The following SH3BGR variants were observed in gnomAD, a reference collection of about 807,000 sequenced individuals.
The protein encoded by SH3BGR is SH3 domain binding glutamate rich protein.
SH3BGR carries 29 observed loss-of-function variants against 24.5 expected under a neutral mutation model. That is an observed-to-expected ratio of 1.18 (90% confidence interval 0.88 to 1.61). The LOEUF is 1.61. Ranked by LOEUF, SH3BGR falls within the 40% of genes most tolerant of loss-of-function variation. The pLI is 0.00. For synonymous variants in SH3BGR, 55 were observed against 65.7 expected (o/e 0.84, Z 0.79); for missense variants, 162 against 205.8 (o/e 0.79, Z 1.30).
chr21:39,469,249 C>T (rs1257155061), intron 2 of SH3BGR, among the ~76,000 whole-genome samples: 1 of 150,138 alleles, frequency 6.7e-6, no homozygotes, highest in African/African-American at 2.4e-5. Context: ...ATTCTTAAGA[C>T]CTGTTTAAAA....
intron 4 of SH3BGR, among the ~76,000 whole-genome samples, chr21:39,507,718 T>G (rs1168527493): frequency 6.6e-6 from 1 of 152,160 alleles, no homozygotes; most frequent in African/African-American, 2.4e-5. Context: ...TGATCATAGC[T>G]CACAGCAGCC....
intron 2 of SH3BGR, among the ~76,000 whole-genome samples, chr21:39,464,530 A>G (rs2077809294): frequency 6.6e-6 from 1 of 152,136 alleles, no homozygotes; most frequent in Non-Finnish European, 1.5e-5. Context: ...GCCCAAATAA[A>G]GTCACTTTCT....
chr21:39,496,714 C>T (rs907539977), intron 3 of SH3BGR, among the ~76,000 whole-genome samples: 2 of 151,922 alleles, frequency 1.3e-5, no homozygotes, highest in African/African-American at 4.8e-5. Context: ...GGAAAAGTAT[C>T]CCATTCATGG....
chr21:39,479,573 C>T lies in SH3BGR; in HGVS notation c.312+4358C>T, dbSNP rs1298301541. On this transcript the variant is annotated intron_variant, in intron 3 of 6. Coordinates refer to ENST00000333634, the MANE Select transcript of SH3BGR (RefSeq NM_007341.3). ...AGTAGGGAAGGGAATGGAGGGTCTCCCCTTTCAGAATGTGAACTTCTTATA... is the reference window on the plus strand; with the variant it reads ...AGTAGGGAAGGGAATGGAGGGTCTCTCCTTTCAGAATGTGAACTTCTTATA... Among the ~76,000 whole-genome samples the T allele has an allele frequency of 3.9e-5, 6 of 152,088 alleles. No individual in the cohort carries two copies. In the South Asian group the frequency reaches 8.3e-4, roughly 21 times the overall value.
intron 3 of SH3BGR, among the ~76,000 whole-genome samples, chr21:39,478,850 C>T (rs987225832): frequency 3.3e-5 from 5 of 152,120 alleles, no homozygotes; most frequent in Admixed American, 1.3e-4. Flanking sequence ...GTTGTTATCT[C>T]TGCATGTTCC....
At chr21:39,491,138 A>AT (rs1405648650) in intron 3 of SH3BGR, among the ~76,000 whole-genome samples, 1 of 150,108 alleles carries the variant, frequency 6.7e-6, no homozygotes, top group Non-Finnish European at 1.5e-5. Context: ...CTATTTCTTT[A>AT]TTTTTTCTAT....
chr21:39,506,638 T>C (rs1012849361), intron 4 of SH3BGR, among the ~76,000 whole-genome samples: 3 of 152,138 alleles, frequency 2.0e-5, no homozygotes, highest in Non-Finnish European at 2.9e-5. Context: ...CCATGAGATC[T>C]TGTGAGACTT....
intron 2 of SH3BGR, among the ~76,000 whole-genome samples, chr21:39,471,166 G>C (rs181095153): frequency 1.4e-5 from 2 of 146,706 alleles, no homozygotes; most frequent in African/African-American, 4.9e-5. Context: ...CTCTCTGGTT[G>C]CTTTTAATAA....
chr21:39,502,985 C>CT (rs146995231), intron 4 of SH3BGR, among the ~76,000 whole-genome samples: 75,489 of 146,292 alleles, frequency 0.52, 19,684 homozygotes, highest in East Asian at 0.67. Context: ...ATTCCAAGCT[C>CT]TTTTTTTTTT....
At chr21:39,510,909 C>CTATATATATATATATATA (rs61692072) in intron 5 of SH3BGR, among the ~76,000 whole-genome samples, 3 of 65,864 alleles carry the variant, frequency 4.6e-5, no homozygotes, top group African/African-American at 6.2e-5. Flanking sequence ...ATTCTTCTAA[C>CTATATATATATATATATA]TATATATATA....
At chr21:39,509,566 CTG>C (rs1158134049) in intron 5 of SH3BGR, among the ~76,000 whole-genome samples, 1 of 149,798 alleles carries the variant, frequency 6.7e-6, no homozygotes, top group Non-Finnish European at 1.5e-5. Context: ...CCTCCGCTTC[CTG>C]GGTTCAAGCG....
intron 2 of SH3BGR, among the ~76,000 whole-genome samples, chr21:39,474,129 G>A (rs1444569465): frequency 1.3e-5 from 2 of 151,942 alleles, no homozygotes; most frequent in Non-Finnish European, 2.9e-5. Context: ...CACCGTGCCC[G>A]GCTAATTTTT....
At chr21:39,488,698 G>T in intron 3 of SH3BGR, 2 of 445,060 alleles carry the variant, frequency 4.5e-6, no homozygotes, top group East Asian at 6.2e-5. Flanking sequence ...CATACTGGGT[G>T]GGAAGATGAC....
chr21:39,509,065 C>T (rs1466043717), intron 5 of SH3BGR, 38 bp downstream of exon 5: 2 of 1,560,726 alleles, frequency 1.3e-6, no homozygotes, highest in Non-Finnish European at 1.7e-6. Context: ...GCTTAATCTG[C>T]TTAATAAAAA....
At chr21:39,501,255 C>A (rs369610419) in intron 4 of SH3BGR, among the ~76,000 whole-genome samples, 1 of 152,158 alleles carries the variant, frequency 6.6e-6, no homozygotes, top group East Asian at 1.9e-4. Flanking sequence ...CCCTTTCTCC[C>A]GTGAGACCAG....
intron 3 of SH3BGR, among the ~76,000 whole-genome samples, chr21:39,493,564 G>A (rs981400662): frequency 1.3e-5 from 2 of 152,082 alleles, no homozygotes; most frequent in Non-Finnish European, 2.9e-5. Context: ...CTCCAGATTT[G>A]TTCTTTTTGT....
intron 3 of SH3BGR, among the ~76,000 whole-genome samples, chr21:39,485,208 T>A (rs1429083270): frequency 6.6e-6 from 1 of 152,242 alleles, no homozygotes; most frequent in Non-Finnish European, 1.5e-5. Flanking sequence ...GGACCTAGGT[T>A]ACATAACCAA....
intron 2 of SH3BGR, among the ~76,000 whole-genome samples, chr21:39,474,609 A>G (rs1318066449): frequency 1.3e-5 from 2 of 152,104 alleles, no homozygotes. Flanking sequence ...TCCACTACCA[A>G]GTTTCCAATC....
chr21:39,488,461 C>T (rs374200338), intron 3 of SH3BGR: 5 of 254,104 alleles, frequency 2.0e-5, no homozygotes, highest in South Asian at 7.7e-5. Context: ...CCACCAATGC[C>T]GAGGTGCTCC....
Sources: allele counts gnomAD v4.1 joint callset (sites outside exome capture counted in the v4.1 genomes callset), GRCh38; gene constraint gnomAD v4.1.1; transcripts MANE v1.5; gene names NCBI Gene and HGNC (gene_info 2026-07-23, HGNC 2026-07-21).